CPD: variants seen among roughly 807,000 people sequenced by gnomAD.
CPD encodes the protein metallocarboxypeptidase D.
In CPD, 69 loss-of-function variants were observed where a neutral mutation model predicts 138.3. The ratio of observed to expected loss-of-function variants is 0.50; its 90% CI spans 0.41 to 0.61. CPD has a LOEUF of 0.61. CPD is among the 20% of genes least tolerant of loss of function. The pLI, the probability that CPD is intolerant of heterozygous loss-of-function variation, is 0.00. For missense variants in CPD, 1,432 were observed against 1,733.3 expected (o/e 0.83, Z 3.09); for synonymous variants, 651 against 642.1 (o/e 1.01, Z -0.21).
chr17:30,422,690 G>C lies in CPD; in HGVS notation c.1324G>C (p.Val442Leu), dbSNP rs773594466. Reference protein sequence around the residue: ...VVLTGYMPLTVTNVVVKEGPA... With the variant: ...VVLTGYMPLTLTNVVVKEGPA... ...TTTTTTCAGGTATATGCCATTGACT[G>C]TTACTAATGTAGTGGTGAAAGAAGG... The change falls in exon 5 of 21, where the codon GTT (valine) becomes CTT (leucine). Residue 442 changes from valine (V) to leucine (L), a missense_variant. This residue lies in a region of CPD where 160 missense variants were observed against 197.9 expected (regional missense o/e 0.81). Coordinates refer to ENST00000225719, the MANE Select transcript of CPD (RefSeq NM_001304.5). 2 of 1,609,192 alleles carry C rather than the reference G, an allele frequency of 1.2e-6. No individual in the cohort carries two copies. The highest frequency in any genetic ancestry group is 3.4e-5 in the Admixed American group (2 of 59,144).
chr17:30,396,020 G>C (rs905154317), intron 2 of CPD, among the ~76,000 whole-genome samples: 1 of 152,090 alleles, frequency 6.6e-6, no homozygotes, highest in Non-Finnish European at 1.5e-5. Flanking sequence ...TTTTTCCATT[G>C]ATTTGGCCCA....
intron 8 of CPD, among the ~76,000 whole-genome samples, chr17:30,434,782 C>T (rs1912656988): frequency 6.6e-6 from 1 of 151,690 alleles, no homozygotes; most frequent in Non-Finnish European, 1.5e-5. Context: ...ATTCTCAGCT[C>T]CACCCTTACC....
Position 30,379,546 on chromosome 17 carries a change from G to T in CPD, c.566G>T (p.Arg189Leu). The T allele has an allele frequency of 3.2e-6, 5 of 1,552,452 alleles. No individual in the cohort carries two copies. The highest frequency in any genetic ancestry group is 4.3e-6 in the Non-Finnish European group (5 of 1,157,918). The stretch of plus-strand genomic sequence containing the variant: ...AGCCTCAACCCCGATGGCTTCGAGC[G>T]TGCCCGCGAGGGCGACTGTGGCTTC... ...LPSLNPDGFE[R>L]AREGDCGFGD... The change falls in exon 1 of 21, where the codon CGT becomes CTT. Residue 189 changes from arginine (R) to leucine (L), a missense_variant. By Grantham distance (102) the Arg-to-Leu change is moderately radical. This residue lies in a region of CPD where 484 missense variants were observed against 477.2 expected (regional missense o/e 1.01). Coordinates refer to ENST00000225719, the MANE Select transcript of CPD (RefSeq NM_001304.5). This position sits in a 1 kb window ranked among gnomAD's most constrained non-coding sequence, Gnocchi z 7.0.
At chr17:30,452,472 A>T (rs1913192136) in intron 14 of CPD, among the ~76,000 whole-genome samples, 1 of 150,710 alleles carries the variant, frequency 6.6e-6, no homozygotes, top group African/African-American at 2.4e-5. Context: ...GGGTTTTATC[A>T]TGTTGACCAG....
chr17:30,385,359 T>G (rs1272429608), intron 2 of CPD, 123 bp downstream of exon 2: 20 of 1,240,730 alleles, frequency 1.6e-5, no homozygotes, highest in Non-Finnish European at 2.2e-5. Context: ...TATTTTTATT[T>G]TGAAAATTTC....
intron 2 of CPD, among the ~76,000 whole-genome samples, chr17:30,414,059 AAGG>A (rs1912039534): frequency 6.6e-6 from 1 of 152,190 alleles, no homozygotes. Flanking sequence ...GAGAGTATAA[AAGG>A]AGGTTTAGGA....
intron 8 of CPD, among the ~76,000 whole-genome samples, chr17:30,437,700 A>G (rs1258767331): frequency 6.6e-6 from 1 of 152,104 alleles, no homozygotes; most frequent in Non-Finnish European, 1.5e-5. Flanking sequence ...CCAAAACAAA[A>G]CCAAAACAAA....
chr17:30,428,200 A>G (rs1386116988), intron 7 of CPD, among the ~76,000 whole-genome samples: 1 of 152,206 alleles, frequency 6.6e-6, no homozygotes, highest in Non-Finnish European at 1.5e-5. Context: ...ATAATTTAGC[A>G]GGATGGATCG....
chr17:30,384,937 T>A, intron 1 of CPD, 52 bp from the exon 2 acceptor site: 1 of 1,570,672 alleles, frequency 6.4e-7, no homozygotes, highest in Non-Finnish European at 8.6e-7. Flanking sequence ...TTTTAATGCA[T>A]GGTGTTTTGT....
intron 6 of CPD, 28 bp from the exon 7 acceptor site, chr17:30,427,363 T>C (rs1912444222): frequency 3.7e-6 from 6 of 1,605,530 alleles, no homozygotes; most frequent in East Asian, 2.2e-5. Flanking sequence ...ACATGGCTTA[T>C]ATTCAAATCC....
In CPD at chr17:30,420,995, TGACTG is replaced by T. The variant is rs974523859; in HGVS notation, c.1137+15_1137+19del. On this transcript the variant is annotated intron_variant, in intron 3 of 20. Coordinates refer to ENST00000225719, the MANE Select transcript of CPD (RefSeq NM_001304.5). The stretch of plus-strand genomic sequence containing the variant: ...CATTGATTGAAAAGGTAAAAGTAGA[TGACTG>T]GAATGTTGGGGTATAGAAACAGGAT... The T allele has an allele frequency of 6.2e-7, 1 of 1,611,678 alleles. No individual in the cohort carries two copies. Among genetic ancestry groups the T allele is most frequent in the African/African-American group, 1.3e-5 (1 of 74,870 alleles).
Position 30,464,696 on chromosome 17 carries a change from A to G in CPD, c.4025A>G (p.Asp1342Gly), listed in dbSNP as rs747378794. Residue 1342 changes from aspartate (D) to glycine (G), a missense_variant, in exon 21 of 21, where the codon GAT becomes GGT. Asp to Gly is a moderately conservative substitution (Grantham distance 94). Transcript: ENST00000225719. ...DGFHRLRQHH[D>G]EYEDEIRMMS... ...TTTCATCGGCTCAGGCAGCATCATG[A>G]TGAGTATGAAGATGAAATTCGCATG... 8 of 1,613,888 alleles carry G rather than the reference A, an allele frequency of 5.0e-6. No homozygotes were observed. The highest frequency in any genetic ancestry group is 6.8e-6 in the Non-Finnish European group (8 of 1,179,898).
chr17:30,395,885 AT>A (rs1392746167), intron 2 of CPD, among the ~76,000 whole-genome samples: 1 of 152,140 alleles, frequency 6.6e-6, no homozygotes, highest in Non-Finnish European at 1.5e-5. Context: ...GGTGAAGGAA[AT>A]AGATTTTCAC....
chr17:30,445,556 G>T, intron 11 of CPD, 135 bp from the exon 12 acceptor site: 3 of 550,178 alleles, frequency 5.5e-6, no homozygotes, highest in South Asian at 3.4e-5. Flanking sequence ...ATTACTCAAC[G>T]TTAAAATTTT....
At chr17:30,416,708 G>A (rs1316169868) in intron 2 of CPD, among the ~76,000 whole-genome samples, 1 of 152,154 alleles carries the variant, frequency 6.6e-6, no homozygotes, top group Non-Finnish European at 1.5e-5. Context: ...GCTGCATCTT[G>A]TTTTTCAGAT....
At chr17:30,380,153 T>A (rs543424822) in intron 1 of CPD, 1 of 171,402 alleles carries the variant, frequency 5.8e-6, no homozygotes, top group South Asian at 1.9e-4. Context: ...CACTTTATTT[T>A]GGCCACAACC....
chr17:30,427,316 A>G (rs1240981261), intron 6 of CPD, 75 bp from the exon 7 acceptor site: 4 of 1,366,622 alleles, frequency 2.9e-6, no homozygotes, highest in Non-Finnish European at 2.1e-6. Flanking sequence ...GAGTTAAGGT[A>G]TCTAAAGTAG....
At chr17:30,435,878 C>T (rs1912687093) in intron 8 of CPD, among the ~76,000 whole-genome samples, 1 of 152,142 alleles carries the variant, frequency 6.6e-6, no homozygotes, top group South Asian at 2.1e-4. Context: ...TTGCTGGCAA[C>T]CATTGGCATT....
At position 30,427,405 on chromosome 17, in the gene CPD, G is replaced by A. The variant is rs1280562869; in HGVS notation, c.1864G>A (p.Val622Ile). The part of the protein sequence containing the change: ...EKSQEGDSIS[V>I]IGRNNSNNFD... ...ATATCATACAGGAGATTCAATAAGT[G>A]TAATTGGCAGAAACAACAGCAACAA... The change falls in exon 7 of 21, where the codon GTA (valine) becomes ATA (isoleucine). Residue 622 changes from valine to isoleucine, a missense_variant. By Grantham distance (29) the Val-to-Ile change is conservative. Transcript: ENST00000225719. 3.1e-6 allele frequency: 5 copies of A among 1,613,896 alleles called. No individual in the cohort carries two copies. Among genetic ancestry groups the A allele is most frequent in the East Asian group, 2.2e-5 (1 of 44,884 alleles).
Sources: allele counts gnomAD v4.1 joint callset (sites outside exome capture counted in the v4.1 genomes callset), GRCh38; gene constraint gnomAD v4.1.1; regional missense constraint gnomAD v4.1.1; non-coding constraint Gnocchi (gnomAD v3.1); transcripts MANE v1.5; gene names NCBI Gene and HGNC (gene_info 2026-07-23, HGNC 2026-07-21).